The following LAMB4 variants were observed in gnomAD, a reference collection of about 807,000 sequenced individuals.
LAMB4 encodes the protein laminin subunit beta-4.
LAMB4 carries 196 observed loss-of-function variants against 199.2 expected under a neutral mutation model. The observed-to-expected ratio is 0.98, with a 90% confidence interval of 0.88 to 1.11. The LOEUF is 1.11. Ranked by LOEUF, LAMB4 falls within the 50% of genes least tolerant of loss-of-function variation. The pLI is 0.00. For synonymous variants in LAMB4, 744 were observed against 770.6 expected, an observed-to-expected ratio of 0.97 and a Z score of 0.57; for missense variants, 2,080 against 2,171.2, an observed-to-expected ratio of 0.96 and a Z score of 0.83.
chr7:108,027,676 T>C (rs1318687530), intron 33 of LAMB4, among the ~76,000 whole-genome samples: 1 of 152,190 alleles, frequency 6.6e-6, no homozygotes, highest in Non-Finnish European at 1.5e-5. Context: ...CCATCTGATA[T>C]TTCTTGATGG....
Position 108,103,242 on chromosome 7 carries a change from G to C in LAMB4, c.992-10C>G. On this transcript the variant is annotated splice_polypyrimidine_tract_variant and intron_variant, in intron 9 of 33. Transcript: ENST00000388781. ...CTATTACAGCTGCACGCTGAAAGGAGAAGACAGTGACTGAGAGGTAGACTA... is the reference window on the plus strand; with the variant it reads ...CTATTACAGCTGCACGCTGAAAGGACAAGACAGTGACTGAGAGGTAGACTA... 3.2e-6 allele frequency: 5 copies of C among 1,539,550 alleles called. No individual in the cohort carries two copies. Among genetic ancestry groups the C allele is most frequent in the Non-Finnish European group, 4.4e-6 (5 of 1,139,684 alleles).
In LAMB4 at chr7:108,066,051, CA is replaced by C. The variant is rs1224879269; in HGVS notation, c.2679-133del. On this transcript the variant is annotated intron_variant, in intron 20 of 33. Transcript: ENST00000388781. ...TTTTAGAAGATGTTCATTTGCTCTG[CA>C]AAACGACTTTTGGTTTTTATATCAA... 4,051 of 916,514 alleles carry C rather than the reference CA, an allele frequency of 4.4e-3. 104 individuals carry two copies. In the African/African-American group the frequency reaches 0.057, roughly 13 times the overall value. 56.8% of individuals were successfully genotyped at this position (916,514 alleles called of 1,614,324 possible).
intron 17 of LAMB4, among the ~76,000 whole-genome samples, chr7:108,071,322 A>G (rs2150564038): frequency 6.6e-6 from 1 of 151,722 alleles, no homozygotes; most frequent in South Asian, 2.1e-4. Flanking sequence ...TAAATGTTAG[A>G]GTTCCTCAGG....
At chr7:108,045,393 C>T (rs918399031) in intron 28 of LAMB4, among the ~76,000 whole-genome samples, 4 of 152,202 alleles carry the variant, frequency 2.6e-5, no homozygotes, top group African/African-American at 4.8e-5. Flanking sequence ...AATTCTCTCA[C>T]AATCTCTTCT....
chr7:108,078,082 A>G (rs1174741244), intron 16 of LAMB4, 119 bp downstream of exon 16: 3 of 676,298 alleles, frequency 4.4e-6, no homozygotes, highest in Non-Finnish European at 7.9e-6. Flanking sequence ...AGTGCTTAAT[A>G]TATGTTATAG....
chr7:108,108,939 C>T (rs1281549121), intron 5 of LAMB4, among the ~76,000 whole-genome samples: 1 of 151,900 alleles, frequency 6.6e-6, no homozygotes, highest in Non-Finnish European at 1.5e-5. Flanking sequence ...TAGGAGTTTT[C>T]CTTTTCTCTG....
chr7:108,117,046 A>G (rs1302205388), intron 2 of LAMB4, among the ~76,000 whole-genome samples: 1 of 152,146 alleles, frequency 6.6e-6, no homozygotes, highest in Non-Finnish European at 1.5e-5. Flanking sequence ...CAAAAGCAAC[A>G]CCAAAAACAA....
intron 27 of LAMB4, 57 bp from the exon 28 acceptor site, chr7:108,048,168 T>A: frequency 2.1e-6 from 3 of 1,415,336 alleles, no homozygotes; most frequent in Non-Finnish European, 2.9e-6. Flanking sequence ...CTTTTTTTTT[T>A]TTTTTTTTTT....
chr7:108,055,957 T>C lies in LAMB4; in HGVS notation c.3430A>G (p.Thr1144Ala), dbSNP rs750170098. The C allele has an allele frequency of 8.1e-6, 13 of 1,614,146 alleles. No individual in the cohort carries two copies. The South Asian group carries it at 1.4e-4, about 18-fold the overall frequency. Residue 1144 changes from threonine to alanine, a missense_variant, in exon 25 of 34, where the codon ACA becomes GCA. Thr to Ala is a moderately conservative substitution (Grantham distance 58). Coordinates refer to ENST00000388781, the MANE Select transcript of LAMB4 (RefSeq NM_007356.3). ...CCCTCCCGGCAGCGGCACATGCCTGTGTCTGGATCACAGATGGGCTTCTGG... is the reference window on the plus strand; with the variant it reads ...CCCTCCCGGCAGCGGCACATGCCTGCGTCTGGATCACAGATGGGCTTCTGG... ...GTQKPICDPD[T>A]GMCRCREGVS...
rs188923816 is a variant in LAMB4 at position 108,030,432 on chromosome 7, G to T, written c.4992+374C>A. Among the ~76,000 whole-genome samples the T allele has an allele frequency of 1.9e-3, 284 of 152,182 alleles. 1 individual carries two copies. Among genetic ancestry groups the T allele is most frequent in the African/African-American group, 6.7e-3 (279 of 41,540 alleles). ...CTTTGGCAGGTGACTTTCATTTATT[G>T]TTTTCTTTATATGTTGTGTGACTGA... On this transcript the variant is annotated intron_variant, in intron 32 of 33. Coordinates refer to ENST00000388781, the MANE Select transcript of LAMB4 (RefSeq NM_007356.3).
intron 30 of LAMB4, among the ~76,000 whole-genome samples, chr7:108,034,974 T>C (rs958713858): frequency 6.6e-6 from 1 of 152,206 alleles, no homozygotes; most frequent in African/African-American, 2.4e-5. Flanking sequence ...GAGTGAACTA[T>C]CAGACAGACC....
At chr7:108,102,313 A>G (rs893358191) in intron 10 of LAMB4, among the ~76,000 whole-genome samples, 15 of 152,266 alleles carry the variant, frequency 9.9e-5, no homozygotes, top group African/African-American at 3.6e-4. Context: ...GCTGAAAGAC[A>G]CATACAAAAT....
chr7:108,044,040 C>CA, intron 28 of LAMB4, 144 bp from the exon 29 acceptor site: 3 of 599,278 alleles, frequency 5.0e-6, no homozygotes, highest in Non-Finnish European at 8.2e-6. Context: ...GATTCATTTG[C>CA]AAGGAATCTT....
chr7:108,125,188 T>C lies in LAMB4; in HGVS notation c.-33-1991A>G, dbSNP rs73428716. Among the ~76,000 whole-genome samples the C allele has an allele frequency of 3.7e-4, 57 of 152,270 alleles. 1 individual carries two copies. The highest frequency in any genetic ancestry group is 1.2e-3 in the African/African-American group (51 of 41,566). On this transcript the variant is annotated intron_variant, in intron 1 of 33. Transcript: ENST00000388781. Reference sequence around the variant, plus strand: ...TATAGGAGAATCCAGGTTACAGCTATAGGAAGGTCCATTCTGTATAGGCCA... The same window carrying C: ...TATAGGAGAATCCAGGTTACAGCTACAGGAAGGTCCATTCTGTATAGGCCA...
At chr7:108,069,987 A>G in intron 17 of LAMB4, 102 bp from the exon 18 acceptor site, 3 of 843,804 alleles carry the variant, frequency 3.6e-6, no homozygotes, top group Non-Finnish European at 5.4e-6. Context: ...TGGTTCAAAG[A>G]AGACTCAACT....
In LAMB4 at chr7:108,055,640, G is replaced by A. The variant is rs758485076; in HGVS notation, c.3747C>T (p.Asp1249=). ...GKFLKVKDYH[D]SVRRQIMQLN... ...TTGAGCATAAATCTTACCTAACAGA[G>A]TCATGATAATCCTTGACTTTTAAGA... Residue 1249 remains aspartate (D), a synonymous_variant, in exon 25 of 34, where the codon GAC becomes GAT. Coordinates refer to ENST00000388781, the MANE Select transcript of LAMB4 (RefSeq NM_007356.3). The A allele has an allele frequency of 1.2e-6, 2 of 1,612,550 alleles. No homozygotes were observed. Among genetic ancestry groups the A allele is most frequent in the Non-Finnish European group, 1.7e-6 (2 of 1,179,530 alleles).
chr7:108,049,705 A>G lies in LAMB4; in HGVS notation c.3917-174T>C, dbSNP rs373178367. 4.6e-5 allele frequency among the ~76,000 whole-genome samples: 7 copies of G among 152,224 alleles called. No individual in the cohort carries two copies. The East Asian group carries it at 1.3e-3, about 29-fold the overall frequency. Reference sequence around the variant, plus strand: ...TGATGGGGGAAGGATTAGCTATAGTATAATAAATATGGATAGAATAGATAC... The same window carrying G: ...TGATGGGGGAAGGATTAGCTATAGTGTAATAAATATGGATAGAATAGATAC... On this transcript the variant is annotated intron_variant, in intron 26 of 33. Coordinates refer to ENST00000388781, the MANE Select transcript of LAMB4 (RefSeq NM_007356.3).
intron 12 of LAMB4, 115 bp from the exon 13 acceptor site, chr7:108,092,531 A>C (rs184193849): frequency 3.9e-5 from 30 of 769,824 alleles, no homozygotes; most frequent in African/African-American, 8.6e-5. Flanking sequence ...AACAGCCTGC[A>C]CCATCTCAGA....
In LAMB4 at chr7:108,037,521, G is replaced by C; in HGVS notation, c.4546C>G (p.Gln1516Glu). ...TTGACAAGTTCATCGGTTAGATTTT[G>C]GGATGGAATTGGTAGGTGAATGTCA... is the stretch of plus-strand genomic sequence containing the variant. ...VLDIHLPIPS[Q>E]NLTDELVKIQ... is the part of the protein sequence containing the mutation. Residue 1516 changes from glutamine (Q) to glutamate (E), a missense_variant, in exon 30 of 34, where the codon CAA (glutamine) becomes GAA (glutamate). By Grantham distance (29) the Gln-to-Glu change is conservative. Transcript: ENST00000388781. The C allele has an allele frequency of 1.9e-6, 3 of 1,614,074 alleles. No individual in the cohort carries two copies. Among genetic ancestry groups the C allele is most frequent in the Non-Finnish European group, 2.5e-6 (3 of 1,179,962 alleles).
Sources: allele counts gnomAD v4.1 joint callset (sites outside exome capture counted in the v4.1 genomes callset), GRCh38; gene constraint gnomAD v4.1.1; transcripts MANE v1.5; gene names NCBI Gene and HGNC (gene_info 2026-07-23, HGNC 2026-07-21).